The following DIPK1C variants were observed in gnomAD, a reference collection of about 807,000 sequenced individuals.
DIPK1C encodes the protein familial non-conventional Alzheimer's dementia.
Under a neutral mutation model 28.0 loss-of-function variants are expected in DIPK1C, and 33 were observed. The observed-to-expected ratio is 1.18, with a 90% CI of 0.89 to 1.58. DIPK1C has a LOEUF of 1.58. Ranked by LOEUF, DIPK1C falls within the 40% of genes most tolerant of loss-of-function variation. DIPK1C has a pLI of 0.00. For synonymous variants in DIPK1C, 255 were observed against 248.8 expected, an observed-to-expected ratio of 1.02 and a Z score of -0.23; for missense variants, 569 against 568.5, an observed-to-expected ratio of 1.00 and a Z score of -0.01.
Position 74,449,582 on chromosome 18 carries a change from C to T in DIPK1C, c.199-2299G>A, listed in dbSNP as rs1333190829. Among the ~76,000 whole-genome samples, 8 of 152,340 alleles carry T rather than the reference C, an allele frequency of 5.3e-5. 1 individual carries two copies. Among genetic ancestry groups the T allele is most frequent in the South Asian group, 4.1e-4 (2 of 4,830 alleles). ...CTGCTGCGGGGGTGCTCCTGCCAGCCGCTGCATTTTAGATCTCTGTATAAT... is the reference window on the plus strand; with the variant it reads ...CTGCTGCGGGGGTGCTCCTGCCAGCTGCTGCATTTTAGATCTCTGTATAAT... On this transcript the variant is annotated intron_variant, in intron 1 of 3. Transcript: ENST00000343998.
chr18:74,444,026 A>C (rs1157477177), intron 2 of DIPK1C, among the ~76,000 whole-genome samples: 1 of 151,682 alleles, frequency 6.6e-6, no homozygotes, highest in Non-Finnish European at 1.5e-5. Context: ...AACCCTATGC[A>C]CCTAAAATAA....
chr18:74,445,950 T>C (rs1179137011), intron 2 of DIPK1C, among the ~76,000 whole-genome samples: 1 of 152,230 alleles, frequency 6.6e-6, no homozygotes, highest in Non-Finnish European at 1.5e-5. Context: ...ACGGAGACAC[T>C]GAGGCTCCTG....
rs1271088126 is a variant in DIPK1C at position 74,442,132 on chromosome 18, C to T, written c.877-16G>A. On this transcript the variant is annotated splice_polypyrimidine_tract_variant and intron_variant, in intron 2 of 3. Coordinates refer to ENST00000343998, the MANE Select transcript of DIPK1C (RefSeq NM_001044369.3). Reference sequence around the variant, plus strand: ...TAGCCACCACCTGTAATCAAAACAGCACGGGGCTATCAAAGGGCTACTGGT... The same window carrying T: ...TAGCCACCACCTGTAATCAAAACAGTACGGGGCTATCAAAGGGCTACTGGT... The T allele has an allele frequency of 6.2e-7, 1 of 1,613,234 alleles. No individual in the cohort carries two copies. Among genetic ancestry groups the T allele is most frequent in the Admixed American group, 1.7e-5 (1 of 59,754 alleles).
chr18:74,463,202 G>C, the DIPK1C span, among the ~76,000 whole-genome samples: 2 of 152,208 alleles, frequency 1.3e-5, no homozygotes, highest in African/African-American at 4.8e-5. Context: ...GGCCTGGGAA[G>C]TGGAAAACTG....
At position 74,457,023 on chromosome 18, in the gene DIPK1C, C is replaced by A. The variant is rs1353560749; in HGVS notation, c.198+39G>T. 21 of 1,382,566 alleles carry A rather than the reference C, an allele frequency of 1.5e-5. No homozygotes were observed. In the Admixed American group the frequency reaches 4.4e-4, roughly 29 times the overall value. The allele number at this position is 1,382,566 out of a possible 1,614,324, so 85.6% of individuals were successfully genotyped here. On this transcript the variant is annotated intron_variant, in intron 1 of 3. Transcript: ENST00000343998. ...GGGAGCGGGTGTGATCCCCCCTCCCCGGACGCGCGGCGCGGGGCAGAGCGG... is the reference window on the plus strand; with the variant it reads ...GGGAGCGGGTGTGATCCCCCCTCCCAGGACGCGCGGCGCGGGGCAGAGCGG...
At position 74,447,129 on chromosome 18, in the gene DIPK1C, T is replaced by C; in HGVS notation, c.353A>G (p.Lys118Arg). 1.3e-6 allele frequency: 2 copies of C among 1,550,532 alleles called. No homozygotes were observed. The highest frequency in any genetic ancestry group is 1.7e-6 in the Non-Finnish European group (2 of 1,146,970). Residue 118 changes from lysine to arginine, a missense_variant, in exon 2 of 4, where the codon AAG becomes AGG. Physicochemically the swap from Lys to Arg is conservative, Grantham distance 26. Transcript: ENST00000343998. The surrounding 1 kb of genome is among the most constrained non-coding windows in gnomAD (Gnocchi z 4.1). The stretch of plus-strand genomic sequence containing the variant: ...CGGGAAGCTGGAGAAGGCCTCCTCC[T>C]TGGACTTGAGGACCACGGGCCGGCC... ...WRGRPVVLKS[K>R]EEAFSSFPPL... is the part of the protein sequence containing the mutation.
upstream of DIPK1C, among the ~76,000 whole-genome samples, chr18:74,459,079 G>A (rs1986579417): frequency 6.6e-6 from 1 of 152,254 alleles, no homozygotes; most frequent in Non-Finnish European, 1.5e-5. Flanking sequence ...CTCTAGCCCG[G>A]ACAACAGAAC....
chr18:74,453,919 C>T (rs959507744), intron 1 of DIPK1C, among the ~76,000 whole-genome samples: 2 of 152,224 alleles, frequency 1.3e-5, no homozygotes, highest in African/African-American at 2.4e-5. Flanking sequence ...ATAAGCCCCA[C>T]GAAACAATTC....
At chr18:74,444,046 T>TA (rs201982229) in intron 2 of DIPK1C, among the ~76,000 whole-genome samples, 1,922 of 146,506 alleles carry the variant, frequency 0.013, 15 homozygotes, top group African/African-American at 0.034. Context: ...AGAACAGTAT[T>TA]AAAAAAAAAA....
intron 1 of DIPK1C, among the ~76,000 whole-genome samples, chr18:74,448,706 T>A (rs932395112): frequency 6.6e-6 from 1 of 152,200 alleles, no homozygotes; most frequent in Admixed American, 6.5e-5. Flanking sequence ...AATCAGATAC[T>A]GCCCAGCCTC....
At position 74,448,453 on chromosome 18, in the gene DIPK1C, T is replaced by C. The variant is rs1057074729; in HGVS notation, c.199-1170A>G. Among the ~76,000 whole-genome samples, 4 of 152,274 alleles carry C rather than the reference T, an allele frequency of 2.6e-5. No individual in the cohort carries two copies. The East Asian group carries it at 7.8e-4, about 30-fold the overall frequency. On this transcript the variant is annotated intron_variant, in intron 1 of 3. Transcript: ENST00000343998. ...AGAAAGGACCTTGAAGGCTCAACAG[T>C]AGCAAAGGGCAGCTTGGTGCTGGGA...
At chr18:74,453,608 C>T (rs995955276) in intron 1 of DIPK1C, among the ~76,000 whole-genome samples, 1 of 152,210 alleles carries the variant, frequency 6.6e-6, no homozygotes, top group African/African-American at 2.4e-5. Context: ...AGCCAAAAGG[C>T]AGTTAAGCCT....
At chr18:74,455,927 A>T (rs1243343285) in intron 1 of DIPK1C, among the ~76,000 whole-genome samples, 1 of 152,244 alleles carries the variant, frequency 6.6e-6, no homozygotes, top group East Asian at 1.9e-4. Flanking sequence ...TCATTTTTTT[A>T]AAAAACAATT....
chr18:74,455,421 A>G lies in DIPK1C; in HGVS notation c.198+1641T>C, dbSNP rs1986484776. ...ACTCCCTTCACAAAAAAAGAAAACC[A>G]GGGGGGAAAAATTTATAAATGAAAA... is the stretch of plus-strand genomic sequence containing the variant. On this transcript the variant is annotated intron_variant, in intron 1 of 3. Transcript: ENST00000343998. Among the ~76,000 whole-genome samples, 8 of 152,166 alleles carry G rather than the reference A, an allele frequency of 5.3e-5. No homozygotes were observed. In the South Asian group the frequency reaches 1.4e-3, roughly 28 times the overall value.
chr18:74,438,649 T>A (rs1046797153), intron 3 of DIPK1C, among the ~76,000 whole-genome samples: 4 of 152,262 alleles, frequency 2.6e-5, no homozygotes, highest in Admixed American at 1.3e-4. Flanking sequence ...GTTTATATTT[T>A]TGGCCTTTGT....
chr18:74,436,315 G>A lies in DIPK1C; in HGVS notation c.*186C>T. On this transcript the variant is annotated 3_prime_UTR_variant, in exon 4 of 4. Coordinates refer to ENST00000343998, the MANE Select transcript of DIPK1C (RefSeq NM_001044369.3). ...TCATTTTACACAAGGCGACAGGTCAGAGGCCAGGGTGGGACGAGAGCGAGG... is the reference window on the plus strand; with the variant it reads ...TCATTTTACACAAGGCGACAGGTCAAAGGCCAGGGTGGGACGAGAGCGAGG... The A allele has an allele frequency of 1.6e-6, 1 of 618,416 alleles. No individual in the cohort carries two copies. The highest frequency in any genetic ancestry group is 2.1e-5 in the South Asian group (1 of 48,502). 38.3% of individuals were successfully genotyped at this position (618,416 alleles called of 1,614,324 possible).
At chr18:74,456,598 AG>A (rs905822553) in intron 1 of DIPK1C, among the ~76,000 whole-genome samples, 1 of 152,176 alleles carries the variant, frequency 6.6e-6, no homozygotes, top group African/African-American at 2.4e-5. Flanking sequence ...CTGGCAGCTC[AG>A]GGTGGAATCA....
chr18:74,463,947 T>C, the DIPK1C span, among the ~76,000 whole-genome samples: 122,541 of 152,206 alleles, frequency 0.81, 49,710 homozygotes, highest in East Asian at 0.99. Context: ...TCCAAAAAGC[T>C]ATGGCTGCTT....
intron 3 of DIPK1C, among the ~76,000 whole-genome samples, chr18:74,438,462 A>G (rs1986046708): frequency 6.6e-6 from 1 of 152,228 alleles, no homozygotes; most frequent in African/African-American, 2.4e-5. Context: ...AATTGACTCC[A>G]TAAAATTTCT....
Sources: allele counts gnomAD v4.1 joint callset (sites outside exome capture counted in the v4.1 genomes callset), GRCh38; gene constraint gnomAD v4.1.1; non-coding constraint Gnocchi (gnomAD v3.1); transcripts MANE v1.5; gene names NCBI Gene and HGNC (gene_info 2026-07-23, HGNC 2026-07-21).